The following TRA2B variants were observed in gnomAD, a reference collection of about 807,000 sequenced individuals.
TRA2B encodes the protein transformer-2 protein homolog beta.
A neutral mutation model predicts 41.7 loss-of-function variants in TRA2B; 14 were observed. The observed-to-expected ratio is 0.34, with a 90% CI of 0.22 to 0.53. The LOEUF is 0.53. TRA2B is among the 20% of genes least tolerant of loss of function. The probability of loss-of-function intolerance (pLI) is 0.95; values close to 1 mark genes in which losing one functional copy is unlikely to be tolerated. For missense variants in TRA2B, 167 were observed against 396.8 expected (o/e 0.42, Z 4.92); for synonymous variants, 130 against 128.8 (o/e 1.01, Z -0.06).
Position 185,935,266 on chromosome 3 carries a change from G to A in TRA2B, c.36+2559C>T, listed in dbSNP as rs189829186. 2.9e-4 allele frequency: 282 copies of A among 985,428 alleles called. No homozygotes were observed. The African/African-American group carries it at 4.4e-3, about 15-fold the overall frequency. The allele number at this position is 985,428 out of a possible 1,614,324, so 61.0% of individuals were successfully genotyped here. On this transcript the variant is annotated intron_variant, in intron 1 of 8. Coordinates refer to ENST00000453386, the MANE Select transcript of TRA2B (RefSeq NM_004593.3). ...TGAAAACGAGATCTTACTTTTGAAA[G>A]TGGTTTGGCCAGATCAGGTTAAGCC... is the stretch of plus-strand genomic sequence containing the variant.
At chr3:185,925,736 A>C (rs1325739235) in intron 2 of TRA2B, 110 bp from the exon 3 acceptor site, 1 of 1,108,934 alleles carries the variant, frequency 9.0e-7, no homozygotes, top group Non-Finnish European at 1.2e-6. Context: ...GAATATGCTA[A>C]CATGGTTACC....
chr3:185,923,293 C>CGG (rs1332396474), intron 4 of TRA2B: 2 of 152,326 alleles, frequency 1.3e-5, no homozygotes, highest in African/African-American at 4.8e-5. Flanking sequence ...AAGTGTTTCT[C>CGG]AGTTCTTCCT....
intron 1 of TRA2B, chr3:185,935,589 T>G: frequency 1.0e-6 from 1 of 985,400 alleles, no homozygotes; most frequent in Non-Finnish European, 1.2e-6. Flanking sequence ...TTCCACTGAT[T>G]TGAAGAGATT....
rs745515821 is a variant in TRA2B, at chr3:185,918,353, A to G, written c.856+12T>C. On this transcript the variant is annotated intron_variant, in intron 8 of 8. Transcript: ENST00000453386. ...CTACAATATAAACAATCATATTAAG[A>G]TAAAAACTTACGAGGTGAGTATGAT... is the stretch of plus-strand genomic sequence containing the variant. 1.2e-6 allele frequency: 2 copies of G among 1,600,846 alleles called. No individual in the cohort carries two copies. The highest frequency in any genetic ancestry group is 8.6e-7 in the Non-Finnish European group (1 of 1,168,448).
intron 1 of TRA2B, chr3:185,937,399 T>A: frequency 9.9e-7 from 1 of 1,005,742 alleles, no homozygotes; most frequent in Non-Finnish European, 1.2e-6. Context: ...GCGGGTCGGG[T>A]CCGCGTTGCC....
chr3:185,935,754 A>G, intron 1 of TRA2B: 1 of 985,462 alleles, frequency 1.0e-6, no homozygotes, highest in Non-Finnish European at 1.2e-6. Context: ...GGAAGCCTAG[A>G]CACGTGTTTG....
intron 1 of TRA2B, among the ~76,000 whole-genome samples, chr3:185,931,074 C>G (rs1350831092): frequency 6.6e-6 from 1 of 152,192 alleles, no homozygotes; most frequent in Non-Finnish European, 1.5e-5. Flanking sequence ...AAAACTAACA[C>G]ACTAATGCCA....
intron 6 of TRA2B, among the ~76,000 whole-genome samples, chr3:185,919,768 T>G (rs571544674): frequency 1.1e-3 from 171 of 152,258 alleles, no homozygotes; most frequent in African/African-American, 3.6e-3. Flanking sequence ...ATTTGTACCT[T>G]TAGTACCATT....
rs1360307691 is a variant in TRA2B, at chr3:185,935,750, C to A, written c.36+2075G>T. On this transcript the variant is annotated intron_variant, in intron 1 of 8. Coordinates refer to ENST00000453386, the MANE Select transcript of TRA2B (RefSeq NM_004593.3). ...GTTTTCCCAAGCTTGCTTTGGAAGC[C>A]TAGACACGTGTTTGATTCAGGTGTA... The A allele has an allele frequency of 4.1e-6, 4 of 985,272 alleles. No individual in the cohort carries two copies. In the East Asian group the frequency reaches 4.5e-4, roughly 112 times the overall value. 61.0% of individuals were successfully genotyped at this position (985,272 alleles called of 1,614,324 possible). A position where few individuals can be genotyped will look rare whatever the true frequency, so the allele number is the denominator to read the frequency against.
At chr3:185,917,769 A>C (rs1743556072) in intron 8 of TRA2B, 44 bp from the exon 9 acceptor site, 21 of 1,587,892 alleles carry the variant, frequency 1.3e-5, no homozygotes, top group Non-Finnish European at 1.8e-5. Context: ...AAGTGAACTA[A>C]TTATCAAGTA....
chr3:185,935,409 A>T, intron 1 of TRA2B: 3 of 985,412 alleles, frequency 3.0e-6, no homozygotes, highest in Non-Finnish European at 3.6e-6. Context: ...TTTAAATGTC[A>T]TTATATTCAC....
chr3:185,933,754 A>C (rs542748064), intron 1 of TRA2B, among the ~76,000 whole-genome samples: 1 of 152,272 alleles, frequency 6.6e-6, no homozygotes, highest in South Asian at 2.1e-4. Flanking sequence ...ATCTGAAATT[A>C]GTTGTAGGCC....
At chr3:185,919,645 G>T in intron 6 of TRA2B, 149 bp from the exon 7 acceptor site, 1 of 622,406 alleles carries the variant, frequency 1.6e-6, no homozygotes, top group Non-Finnish European at 2.7e-6. Flanking sequence ...TTAGAAACTG[G>T]CATAGGGTTC....
intron 1 of TRA2B, among the ~76,000 whole-genome samples, chr3:185,933,357 G>C (rs1374606969): frequency 6.6e-6 from 1 of 152,130 alleles, no homozygotes; most frequent in Non-Finnish European, 1.5e-5. Flanking sequence ...ATTCAACTCA[G>C]CTAAGTTCAA....
At chr3:185,929,966 A>G (rs965392786) in intron 1 of TRA2B, among the ~76,000 whole-genome samples, 13 of 151,854 alleles carry the variant, frequency 8.6e-5, no homozygotes, top group African/African-American at 2.7e-4. Flanking sequence ...TCTTTCACAC[A>G]CTGCCTGTTC....
chr3:185,936,743 C>T (rs1744375316), intron 1 of TRA2B: 9 of 984,526 alleles, frequency 9.1e-6, no homozygotes, highest in Non-Finnish European at 1.1e-5. Flanking sequence ...TGGTGCTTTT[C>T]TATCACCCTT....
At position 185,937,894 on chromosome 3, in the gene TRA2B, C is replaced by T. The variant is rs764772561; in HGVS notation, c.-34G>A. The stretch of plus-strand genomic sequence containing the variant: ...GCTGCTGTCGCCGGTCGATGTGCTT[C>T]AATCGAAGCTGCCAACCTCTTGCAC... On this transcript the variant is annotated 5_prime_UTR_variant, in exon 1 of 9. Coordinates refer to ENST00000453386, the MANE Select transcript of TRA2B (RefSeq NM_004593.3). 1.6e-5 allele frequency: 26 copies of T among 1,613,348 alleles called. 1 individual carries two copies. In the South Asian group the frequency reaches 2.9e-4, roughly 18 times the overall value.
chr3:185,927,884 CT>C (rs1744012610), intron 1 of TRA2B: 1 of 152,166 alleles, frequency 6.6e-6, no homozygotes, highest in African/African-American at 2.4e-5. Context: ...TCAAGGCAAC[CT>C]TTATTTTAGG....
intron 5 of TRA2B, 22 bp from the exon 6 acceptor site, chr3:185,921,209 G>A: frequency 6.2e-7 from 1 of 1,606,808 alleles, no homozygotes; most frequent in South Asian, 1.1e-5. Context: ...AAAATATTCA[G>A]GTGACCTCCC....
Sources: gnomAD v4.1 joint callset for allele counts (sites outside exome capture counted in the v4.1 genomes callset) on GRCh38, gnomAD v4.1.1 for gene constraint, MANE v1.5 for transcripts, NCBI Gene and HGNC (gene_info 2026-07-23, HGNC 2026-07-21) for gene names.